FSTL1: variants seen among roughly 807,000 people sequenced by gnomAD.
FSTL1 encodes the protein follistatin-related protein 1.
A neutral mutation model predicts 45.9 loss-of-function variants in FSTL1; 24 were observed. That is an observed-to-expected ratio of 0.52 (90% CI 0.38 to 0.74). The LOEUF is 0.74. Among genes scored for constraint, FSTL1 ranks in the 30% least tolerant of loss-of-function variants. The pLI is 0.00. For synonymous variants in FSTL1, 120 were observed against 137.6 expected (o/e 0.87, Z 0.89); for missense variants, 340 against 381.8 (o/e 0.89, Z 0.91).
chr3:120,400,977 G>A (rs1936815370), intron 9 of FSTL1, among the ~76,000 whole-genome samples: 2 of 152,210 alleles, frequency 1.3e-5, no homozygotes, highest in South Asian at 4.1e-4. Flanking sequence ...ATCCCATGAA[G>A]CTGATCATTT....
At chr3:120,422,898 T>C (rs866762579) in intron 2 of FSTL1, among the ~76,000 whole-genome samples, 4 of 152,304 alleles carry the variant, frequency 2.6e-5, no homozygotes, top group East Asian at 3.9e-4. Context: ...TTTCACCATG[T>C]TGGCCAGGCT....
At chr3:120,403,961 C>A (rs1949607) in intron 7 of FSTL1, among the ~76,000 whole-genome samples, 16,852 of 74,254 alleles carry the variant, frequency 0.23, 1,562 homozygotes, top group East Asian at 0.42. Context: ...CAAAACAAAA[C>A]AAAAACAAAA....
chr3:120,408,815 C>A (rs961336173), intron 6 of FSTL1, among the ~76,000 whole-genome samples: 9 of 120,180 alleles, frequency 7.5e-5, no homozygotes, highest in Non-Finnish European at 1.4e-4. Flanking sequence ...GTGTGATGTA[C>A]CTGTGTGTGT....
At chr3:120,434,745 C>G (rs1937523652) in intron 2 of FSTL1, among the ~76,000 whole-genome samples, 1 of 152,120 alleles carries the variant, frequency 6.6e-6, no homozygotes, top group African/African-American at 2.4e-5. Context: ...TATTACCGTT[C>G]CTTGGAATTC....
chr3:120,426,924 G>A (rs907177720), intron 2 of FSTL1, among the ~76,000 whole-genome samples: 1 of 152,140 alleles, frequency 6.6e-6, no homozygotes, highest in Admixed American at 6.5e-5. Context: ...GGAAGTGTCT[G>A]TAAGCAGAGC....
intron 3 of FSTL1, 167 bp downstream of exon 3, chr3:120,415,756 G>A (rs936594103): frequency 5.9e-6 from 3 of 504,512 alleles, no homozygotes; most frequent in Middle Eastern, 5.1e-4. Context: ...AAATATCCAT[G>A]CTTTAAAAAT....
intron 2 of FSTL1, among the ~76,000 whole-genome samples, chr3:120,439,061 A>G (rs754044464): frequency 6.6e-6 from 1 of 152,192 alleles, no homozygotes; most frequent in Non-Finnish European, 1.5e-5. Flanking sequence ...TTGTGCTAAA[A>G]AGGCACAGAG....
chr3:120,400,288 TGA>T (rs1936795663), intron 9 of FSTL1, among the ~76,000 whole-genome samples: 1 of 152,212 alleles, frequency 6.6e-6, no homozygotes, highest in Non-Finnish European at 1.5e-5. Context: ...TCTGAGACAA[TGA>T]CTCTCAAGTC....
intron 2 of FSTL1, among the ~76,000 whole-genome samples, chr3:120,441,881 A>T (rs1239102351): frequency 3.3e-5 from 5 of 152,270 alleles, no homozygotes; most frequent in Admixed American, 1.3e-4. Context: ...GAGAGGTTTT[A>T]AGTAGTTTTC....
intron 3 of FSTL1, among the ~76,000 whole-genome samples, chr3:120,412,827 C>CAGGGAAATGGAACAAAGTTCATATG (rs1937091596): frequency 1.6e-5 from 1 of 64,342 alleles, no homozygotes; most frequent in South Asian, 5.4e-4. Flanking sequence ...TGTGCGCGCG[C>CAGGGAAATGGAACAAAGTTCATATG]GCGCGCGCGC....
At chr3:120,435,757 C>T (rs1225960651) in intron 2 of FSTL1, among the ~76,000 whole-genome samples, 1 of 152,188 alleles carries the variant, frequency 6.6e-6, no homozygotes, top group Admixed American at 6.5e-5. Context: ...TAATTTCAGT[C>T]ACTACACGAC....
chr3:120,420,433 C>T (rs1043572143), intron 2 of FSTL1, among the ~76,000 whole-genome samples: 3 of 152,152 alleles, frequency 2.0e-5, no homozygotes, highest in South Asian at 2.1e-4. Flanking sequence ...AAATATCTGC[C>T]TGCAATGGAG....
At chr3:120,427,943 A>G (rs9866288) in intron 2 of FSTL1, among the ~76,000 whole-genome samples, 3,630 of 152,106 alleles carry the variant, frequency 0.024, 156 homozygotes, top group African/African-American at 0.081. Context: ...TACTAGGGGG[A>G]AGTAGAGATG....
intron 4 of FSTL1, chr3:120,411,390 T>G (rs1937046183): frequency 1.0e-5 from 2 of 196,910 alleles, no homozygotes; most frequent in East Asian, 2.6e-4. Flanking sequence ...GGGGCTGGTA[T>G]CTAATTAGCA....
intron 2 of FSTL1, chr3:120,419,400 G>A (rs2107659860): frequency 6.6e-6 from 1 of 152,330 alleles, no homozygotes; most frequent in South Asian, 2.1e-4. Flanking sequence ...ATCTTCTCTG[G>A]GAGTGGGAGT....
intron 2 of FSTL1, among the ~76,000 whole-genome samples, chr3:120,436,471 A>G (rs1937561763): frequency 6.6e-6 from 1 of 152,222 alleles, no homozygotes. Context: ...TTTGATCACT[A>G]TCAAGCCCTT....
At chr3:120,397,790 CA>C (rs961944109) in intron 10 of FSTL1, among the ~76,000 whole-genome samples, 1 of 152,178 alleles carries the variant, frequency 6.6e-6, no homozygotes, top group African/African-American at 2.4e-5. Flanking sequence ...TGTGTCCACA[CA>C]AAAACTTGTG....
rs1936696640 is a variant in FSTL1, at chr3:120,396,244, AATG to A, written c.*705_*707del. The A allele has an allele frequency of 6.6e-6, 1 of 152,288 alleles. No individual in the cohort carries two copies. Among genetic ancestry groups the A allele is most frequent in the Non-Finnish European group, 1.5e-5 (1 of 68,060 alleles). The allele number at this position is 152,288 out of a possible 1,614,324, so 9.4% of individuals were successfully genotyped here. A position where few individuals can be genotyped will look rare whatever the true frequency, so the allele number is the denominator to read the frequency against. On this transcript the variant is annotated 3_prime_UTR_variant, in exon 11 of 11. Transcript: ENST00000295633. ...ATAAAATATTAAAAAACAATAATATAATGATAATAATTGAAGAATAAAGTCAAC... is the reference window on the plus strand; with the variant it reads ...ATAAAATATTAAAAAACAATAATATAATAATAATTGAAGAATAAAGTCAAC...
chr3:120,423,411 C>T (rs1392071070), intron 2 of FSTL1: 2 of 151,876 alleles, frequency 1.3e-5, no homozygotes, highest in Non-Finnish European at 2.9e-5. Context: ...CTAGTCATAG[C>T]AGAAGTATAG....
Sources: gnomAD v4.1 joint callset for allele counts (sites outside exome capture counted in the v4.1 genomes callset) on GRCh38, gnomAD v4.1.1 for gene constraint, MANE v1.5 for transcripts, NCBI Gene and HGNC (gene_info 2026-07-23, HGNC 2026-07-21) for gene names.